The following ANO2 variants were observed in gnomAD, a reference collection of about 807,000 sequenced individuals.
ANO2 encodes anoctamin 2.
Under a neutral mutation model 124.2 loss-of-function variants are expected in ANO2, and 101 were observed. The ratio of observed to expected loss-of-function variants is 0.81; its 90% CI spans 0.69 to 0.96. The LOEUF (loss-of-function observed/expected upper bound fraction) is 0.96. Ranked by LOEUF, ANO2 falls within the 40% of genes least tolerant of loss-of-function variation. ANO2 has a pLI of 0.00. For synonymous variants in ANO2, 486 were observed against 482.5 expected (o/e 1.01, Z -0.09); for missense variants, 1,293 against 1,274.5 (o/e 1.01, Z -0.22).
chr12:5,669,439 G>A (rs1438629240), intron 14 of ANO2, among the ~76,000 whole-genome samples: 1 of 152,058 alleles, frequency 6.6e-6, no homozygotes, highest in Non-Finnish European at 1.5e-5. Flanking sequence ...GAAGTTTTGG[G>A]GCTGAGATGA....
At chr12:5,876,509 T>G (rs2137289630) in intron 3 of ANO2, among the ~76,000 whole-genome samples, 1 of 152,302 alleles carries the variant, frequency 6.6e-6, no homozygotes, top group South Asian at 2.1e-4. Context: ...CAAACCATTC[T>G]ACTATAAAGA....
At chr12:5,901,010 C>G (rs984014285) in intron 3 of ANO2, among the ~76,000 whole-genome samples, 1 of 152,218 alleles carries the variant, frequency 6.6e-6, no homozygotes, top group East Asian at 1.9e-4. Flanking sequence ...GGGCCACTCT[C>G]AGCAGGGTCA....
At chr12:5,604,202 T>C (rs969696113) in intron 19 of ANO2, among the ~76,000 whole-genome samples, 3 of 152,094 alleles carry the variant, frequency 2.0e-5, no homozygotes, top group African/African-American at 7.2e-5. Context: ...ATGATTCTCA[T>C]GGTCTTAGGG....
At chr12:5,640,438 G>T (rs1195991648) in intron 15 of ANO2, among the ~76,000 whole-genome samples, 1 of 152,118 alleles carries the variant, frequency 6.6e-6, no homozygotes, top group African/African-American at 2.4e-5. Context: ...AGAGTGAACA[G>T]GCAACCTACA....
At chr12:5,821,069 G>A (rs939679548) in intron 7 of ANO2, among the ~76,000 whole-genome samples, 9 of 152,048 alleles carry the variant, frequency 5.9e-5, no homozygotes, top group South Asian at 4.1e-4. Flanking sequence ...ATCGTTTTTC[G>A]CTTCCACAAG....
chr12:5,732,416 C>A (rs1592014765), intron 14 of ANO2, 104 bp downstream of exon 14: 1 of 902,654 alleles, frequency 1.1e-6, no homozygotes, highest in Non-Finnish European at 1.7e-6. Context: ...CCCACATCAA[C>A]CCCTTCTCAA....
intron 12 of ANO2, chr12:5,740,125 G>A (rs1398455277): frequency 2.6e-5 from 10 of 387,392 alleles, no homozygotes; most frequent in Non-Finnish European, 4.1e-5. Context: ...ATACCCCCAC[G>A]AGCACAACCC....
chr12:5,842,614 C>A (rs1209276401), intron 4 of ANO2, among the ~76,000 whole-genome samples: 3 of 152,202 alleles, frequency 2.0e-5, no homozygotes, highest in Non-Finnish European at 2.9e-5. Flanking sequence ...CGTTCGCTAC[C>A]AGCATTTATT....
intron 3 of ANO2, among the ~76,000 whole-genome samples, chr12:5,891,735 A>G (rs1939418831): frequency 6.6e-6 from 1 of 152,212 alleles, no homozygotes; most frequent in African/African-American, 2.4e-5. Flanking sequence ...CAAATAGCAT[A>G]AGGCTGTGAA....
At chr12:5,938,283 C>A (rs1166669256) in intron 1 of ANO2, among the ~76,000 whole-genome samples, 1 of 152,206 alleles carries the variant, frequency 6.6e-6, no homozygotes, top group Non-Finnish European at 1.5e-5. Flanking sequence ...GACTCCAGAT[C>A]CCTGACCCCT....
intron 14 of ANO2, among the ~76,000 whole-genome samples, chr12:5,683,549 C>T (rs942933888): frequency 2.6e-4 from 40 of 152,134 alleles, no homozygotes; most frequent in African/African-American, 9.2e-4. Context: ...GCCACATACA[C>T]CGTATTTTTC....
chr12:5,593,537 C>T (rs1385119323), intron 20 of ANO2, among the ~76,000 whole-genome samples: 2 of 152,240 alleles, frequency 1.3e-5, no homozygotes, highest in East Asian at 3.9e-4. Context: ...AATTAGGGCA[C>T]AGCCTACACT....
At chr12:5,876,791 AC>A (rs1938130646) in intron 3 of ANO2, among the ~76,000 whole-genome samples, 1 of 152,144 alleles carries the variant, frequency 6.6e-6, no homozygotes, top group Admixed American at 6.5e-5. Context: ...GAACACATAG[AC>A]ACAGGGAGGG....
At chr12:5,705,679 G>T (rs921344110) in intron 14 of ANO2, among the ~76,000 whole-genome samples, 1 of 152,284 alleles carries the variant, frequency 6.6e-6, no homozygotes, top group Non-Finnish European at 1.5e-5. Context: ...CCACACTATG[G>T]CTTCCTAACT....
At chr12:5,609,583 G>A (rs1944384323) in intron 19 of ANO2, among the ~76,000 whole-genome samples, 1 of 152,144 alleles carries the variant, frequency 6.6e-6, no homozygotes, top group Middle Eastern at 3.2e-3. Context: ...AGCCTTCTCT[G>A]AGGACCAAGG....
rs544134222 is a variant in ANO2, at chr12:5,601,236, T to C, written c.2088-1607A>G. Among the ~76,000 whole-genome samples, 347 of 152,226 alleles carry C rather than the reference T, an allele frequency of 2.3e-3. 2 individuals are homozygous for C. The highest frequency in any genetic ancestry group is 0.019 in the South Asian group (93 of 4,810). On this transcript the variant is annotated intron_variant, in intron 19 of 24. Coordinates refer to ENST00000682330, the MANE Select transcript of ANO2 (RefSeq NM_001364791.2). ...CATGCTTCATTTAGGGCTTGATACATGTTAAGAGCATGTACCAAGATACAT... is the reference window on the plus strand; with the variant it reads ...CATGCTTCATTTAGGGCTTGATACACGTTAAGAGCATGTACCAAGATACAT...
intron 10 of ANO2, among the ~76,000 whole-genome samples, chr12:5,765,315 C>G (rs1169339707): frequency 2.6e-5 from 4 of 152,204 alleles, no homozygotes; most frequent in Non-Finnish European, 4.4e-5. Flanking sequence ...AGTAACTACT[C>G]AGCTCCAGCA....
intron 20 of ANO2, 84 bp downstream of exon 20, chr12:5,599,400 C>T: frequency 6.8e-7 from 1 of 1,472,394 alleles, no homozygotes; most frequent in East Asian, 2.4e-5. Flanking sequence ...GTCATTTTCC[C>T]CAATCCCCTA....
intron 14 of ANO2, among the ~76,000 whole-genome samples, chr12:5,693,981 T>C (rs1284727750): frequency 6.6e-6 from 1 of 152,148 alleles, no homozygotes; most frequent in Non-Finnish European, 1.5e-5. Context: ...TATCTGGTAT[T>C]TATCTATTCA....
Sources: allele counts gnomAD v4.1 joint callset (sites outside exome capture counted in the v4.1 genomes callset), GRCh38; gene constraint gnomAD v4.1.1; transcripts MANE v1.5; gene names NCBI Gene and HGNC (gene_info 2026-07-23, HGNC 2026-07-21).